Variants in FOXP2 observed in about 807,000 individuals in gnomAD.
The protein encoded by FOXP2 is forkhead box P2, also known as forkhead box protein P2.
Under a neutral mutation model 115.8 loss-of-function variants are expected in FOXP2, and 12 were observed. That is an observed-to-expected ratio of 0.10 (90% confidence interval 0.07 to 0.17). The LOEUF (loss-of-function observed/expected upper bound fraction) is 0.17, where lower values mean the gene tolerates loss of function less well. FOXP2 is among the 10% of genes least tolerant of loss of function. FOXP2 has a pLI of 1.00. For missense variants in FOXP2, 629 were observed against 843.5 expected (o/e 0.75, Z 3.15); for synonymous variants, 328 against 297.7 (o/e 1.10, Z -1.05).
upstream of FOXP2, chr7:114,086,374 T>C (rs542296695): frequency 1.2e-3 from 475 of 393,972 alleles, 3 homozygotes; most frequent in African/African-American, 0.01. Context: ...GGCCGCCGCT[T>C]CGCCCTAGCT....
At chr7:114,642,960 C>G (rs1169555699) in intron 7 of FOXP2, among the ~76,000 whole-genome samples, 1 of 150,808 alleles carries the variant, frequency 6.6e-6, no homozygotes, top group Non-Finnish European at 1.5e-5. Flanking sequence ...AGGCGCCCGC[C>G]CCCACGCCTG....
At chr7:114,293,016 C>A (rs757851579) in intron 2 of FOXP2, among the ~76,000 whole-genome samples, 7 of 152,138 alleles carry the variant, frequency 4.6e-5, no homozygotes, top group Non-Finnish European at 1.0e-4. Context: ...TTACAACTTA[C>A]ACCTTTGAAA....
Position 114,690,986 on chromosome 7 carries a change from C to G in FOXP2, c.*1060C>G, listed in dbSNP as rs1309171749. 7.0e-5 allele frequency: 32 copies of G among 454,290 alleles called. No individual in the cohort carries two copies. Among genetic ancestry groups the G allele is most frequent in the Non-Finnish European group, 1.2e-4 (27 of 226,764 alleles). 28.1% of individuals were successfully genotyped at this position (454,290 alleles called of 1,614,324 possible). On this transcript the variant is annotated 3_prime_UTR_variant, in exon 17 of 17. Coordinates refer to ENST00000350908, the MANE Select transcript of FOXP2 (RefSeq NM_014491.4). ...TAATCTTCTGAGGCCAAAAGTCCAT[C>G]TAAATGCAATGAAGATTTGCTTTCA...
rs141996834 is a variant in FOXP2 at position 114,546,228 on chromosome 7, T to A, written c.258+11522T>A. The stretch of plus-strand genomic sequence containing the variant: ...TTTTTCCTTACCCAGTCCAATGTTT[T>A]CATCAGCTTTTCCTGACGCCATTGT... On this transcript the variant is annotated intron_variant, in intron 3 of 16. Transcript: ENST00000350908. Among the ~76,000 whole-genome samples, 429 of 152,338 alleles carry A rather than the reference T, an allele frequency of 2.8e-3. 2 individuals are homozygous for A. Among genetic ancestry groups the A allele is most frequent in the African/African-American group, 9.9e-3 (410 of 41,584 alleles).
chr7:114,455,947 A>T (rs535871949), intron 2 of FOXP2, among the ~76,000 whole-genome samples: 1 of 152,206 alleles, frequency 6.6e-6, no homozygotes. Flanking sequence ...CATATAGCAC[A>T]CCATTTTGTG....
At chr7:114,175,337 G>A (rs941321593) in intron 1 of FOXP2, among the ~76,000 whole-genome samples, 1 of 152,064 alleles carries the variant, frequency 6.6e-6, no homozygotes, top group Non-Finnish European at 1.5e-5. Flanking sequence ...TTTAGTGGAT[G>A]CATCTATGAT....
chr7:114,462,056 T>C (rs1009892565), intron 2 of FOXP2, among the ~76,000 whole-genome samples: 2 of 151,596 alleles, frequency 1.3e-5, no homozygotes, highest in Non-Finnish European at 2.9e-5. Context: ...CGAGGCAGGC[T>C]GATCACGAGG....
chr7:114,621,468 A>G (rs1804251946), intron 3 of FOXP2, among the ~76,000 whole-genome samples: 1 of 152,056 alleles, frequency 6.6e-6, no homozygotes, highest in Non-Finnish European at 1.5e-5. Flanking sequence ...TTGGATCTGT[A>G]CAAATTAGGA....
chr7:114,138,585 G>A (rs548984186), intron 1 of FOXP2, among the ~76,000 whole-genome samples: 1 of 151,990 alleles, frequency 6.6e-6, no homozygotes, highest in Admixed American at 6.5e-5. Context: ...TAGAGATGGG[G>A]TTTCACTATG....
chr7:114,317,775 C>T (rs1797308551), intron 2 of FOXP2, among the ~76,000 whole-genome samples: 1 of 152,174 alleles, frequency 6.6e-6, no homozygotes, highest in Admixed American at 6.5e-5. Context: ...AGATGATCTA[C>T]AAAACAGTAT....
intron 3 of FOXP2, among the ~76,000 whole-genome samples, chr7:114,596,428 A>T (rs562865694): frequency 6.6e-6 from 1 of 152,182 alleles, no homozygotes; most frequent in South Asian, 2.1e-4. Context: ...AATATCTAGA[A>T]AGTCAGGTGC....
In FOXP2 at chr7:114,382,040, A is replaced by T. The variant is rs1792317862; in HGVS notation, c.-10-44462A>T. ...TATAATGGCCCCTGCTTTTGCTAGAATGTCTCTCCCTAACAAGAGAGTGGG... is the reference window on the plus strand; with the variant it reads ...TATAATGGCCCCTGCTTTTGCTAGATTGTCTCTCCCTAACAAGAGAGTGGG... On this transcript the variant is annotated intron_variant, in intron 2 of 17. Transcript: ENST00000634411. 7.2e-5 allele frequency among the ~76,000 whole-genome samples: 11 copies of T among 152,228 alleles called. No individual in the cohort carries two copies. In the South Asian group the frequency reaches 2.3e-3, roughly 32 times the overall value.
chr7:114,369,849 T>G (rs1483560170), intron 2 of FOXP2, among the ~76,000 whole-genome samples: 6 of 152,170 alleles, frequency 3.9e-5, no homozygotes, highest in African/African-American at 1.4e-4. Flanking sequence ...TCATTAATCT[T>G]TATGCTTATC....
intron 2 of FOXP2, among the ~76,000 whole-genome samples, chr7:114,293,897 T>A (rs944215371): frequency 2.6e-5 from 4 of 152,008 alleles, no homozygotes; most frequent in African/African-American, 9.7e-5. Flanking sequence ...TAATAAATGG[T>A]TTTGTTCTAA....
chr7:114,323,240 G>T (rs1478159688), intron 2 of FOXP2, among the ~76,000 whole-genome samples: 3 of 152,026 alleles, frequency 2.0e-5, no homozygotes, highest in East Asian at 3.9e-4. Flanking sequence ...TTTTCAGAAT[G>T]GGATAGTTCC....
intron 2 of FOXP2, among the ~76,000 whole-genome samples, chr7:114,294,451 T>C (rs1796685509): frequency 6.6e-6 from 1 of 152,156 alleles, no homozygotes; most frequent in Non-Finnish European, 1.5e-5. Flanking sequence ...TGCTGTACTT[T>C]GAAGCATTGA....
intron 2 of FOXP2, 51 bp from the exon 3 acceptor site, chr7:114,534,566 T>C: frequency 6.9e-7 from 1 of 1,445,942 alleles, no homozygotes; most frequent in South Asian, 1.1e-5. Context: ...AGATAATTGA[T>C]AACTTAACTT....
chr7:114,255,231 G>C (rs1040666405), intron 1 of FOXP2, among the ~76,000 whole-genome samples: 2 of 152,176 alleles, frequency 1.3e-5, no homozygotes, highest in African/African-American at 4.8e-5. Context: ...TAGGCTAGTC[G>C]GGGGTCAGGG....
intron 1 of FOXP2, among the ~76,000 whole-genome samples, chr7:114,167,957 CGA>C (rs1354694015): frequency 6.9e-6 from 1 of 144,580 alleles, no homozygotes; most frequent in Non-Finnish European, 1.5e-5. Context: ...AAAAAAAACA[CGA>C]GAGTTTGCCT....
Sources: gnomAD v4.1 joint callset for allele counts (sites outside exome capture counted in the v4.1 genomes callset) on GRCh38, gnomAD v4.1.1 for gene constraint, MANE v1.5 for transcripts, NCBI Gene and HGNC (gene_info 2026-07-23, HGNC 2026-07-21) for gene names.